Variants in SVOPL observed in about 807,000 individuals in gnomAD.
The protein encoded by SVOPL is putative transporter SVOPL.
SVOPL carries 60 observed loss-of-function variants against 61.0 expected under a neutral mutation model. The ratio of observed to expected loss-of-function variants is 0.98; its 90% CI spans 0.80 to 1.22. SVOPL has a LOEUF of 1.22. Among genes scored for constraint, SVOPL ranks in the 50% most tolerant of loss-of-function variants. The pLI is 0.00. For synonymous variants in SVOPL, 279 were observed against 250.0 expected, an observed-to-expected ratio of 1.12 and a Z score of -1.09; for missense variants, 662 against 643.9, an observed-to-expected ratio of 1.03 and a Z score of -0.30.
chr7:138,682,488 A>G (rs1802720778), intron 1 of SVOPL, among the ~76,000 whole-genome samples: 1 of 152,220 alleles, frequency 6.6e-6, no homozygotes, highest in African/African-American at 2.4e-5. Flanking sequence ...TGTGGATGCA[A>G]TAAGAAAAAT....
chr7:138,622,138 G>GTATCTATC (rs1288648165), intron 13 of SVOPL, among the ~76,000 whole-genome samples: 9 of 23,466 alleles, frequency 3.8e-4, no homozygotes, highest in Non-Finnish European at 4.7e-4. Flanking sequence ...ATCTATCTAT[G>GTATCTATC]TATCTATCTA....
At chr7:138,598,192 G>C (rs918084796) in intron 14 of SVOPL, among the ~76,000 whole-genome samples, 1 of 152,118 alleles carries the variant, frequency 6.6e-6, no homozygotes, top group Non-Finnish European at 1.5e-5. Context: ...AAAGGAAAAA[G>C]ATCTGTTGTT....
intron 14 of SVOPL, among the ~76,000 whole-genome samples, chr7:138,603,484 G>A (rs568598468): frequency 6.6e-6 from 1 of 152,270 alleles, no homozygotes; most frequent in East Asian, 1.9e-4. Flanking sequence ...AGGAGTTTGA[G>A]ACCAGCCTGG....
intron 5 of SVOPL, chr7:138,661,683 C>A: frequency 1.1e-6 from 1 of 911,698 alleles, no homozygotes; most frequent in Non-Finnish European, 1.3e-6. Context: ...CTTATTTTAA[C>A]GAACCAATGT....
chr7:138,627,518 G>T lies in SVOPL; in HGVS notation c.1070-57C>A, dbSNP rs1054864077. 55 of 1,248,902 alleles carry T rather than the reference G, an allele frequency of 4.4e-5. No homozygotes were observed. The African/African-American group carries it at 7.9e-4, about 18-fold the overall frequency. 77.4% of individuals were successfully genotyped at this position (1,248,902 alleles called of 1,614,324 possible). Reference sequence around the variant, plus strand: ...AACCTTGGAAGGCAAGTGGCATATTGCAACACTGGCATGGATTCATCCTTG... The same window carrying T: ...AACCTTGGAAGGCAAGTGGCATATTTCAACACTGGCATGGATTCATCCTTG... On this transcript the variant is annotated intron_variant, in intron 11 of 15. Transcript: ENST00000674285.
chr7:138,615,824 C>T (rs1262902798), intron 14 of SVOPL, among the ~76,000 whole-genome samples: 1 of 149,752 alleles, frequency 6.7e-6, no homozygotes, highest in African/African-American at 2.5e-5. Context: ...ACAGATGTAC[C>T]ACCCAGTTTA....
intron 3 of SVOPL, among the ~76,000 whole-genome samples, chr7:138,672,318 T>G (rs1802442852): frequency 1.3e-5 from 2 of 152,186 alleles, no homozygotes; most frequent in Admixed American, 6.5e-5. Context: ...ACTTTCATGG[T>G]TTGAACAACT....
At chr7:138,621,161 C>T in intron 13 of SVOPL, 26 bp from the exon 14 acceptor site, 1 of 1,604,148 alleles carries the variant, frequency 6.2e-7, no homozygotes, top group East Asian at 2.2e-5. Flanking sequence ...CGGAAAGTAC[C>T]AGTCAGATAA....
At chr7:138,651,094 G>A (rs1801410589) in intron 7 of SVOPL, among the ~76,000 whole-genome samples, 1 of 151,824 alleles carries the variant, frequency 6.6e-6, no homozygotes. Context: ...ATTCCCTCAG[G>A]TATGAGCCAG....
At chr7:138,633,458 A>G (rs1371968824) in intron 9 of SVOPL, among the ~76,000 whole-genome samples, 2 of 152,040 alleles carry the variant, frequency 1.3e-5, no homozygotes, top group Non-Finnish European at 2.9e-5. Flanking sequence ...TCCTTCTCTC[A>G]CCATGTAACA....
intron 14 of SVOPL, among the ~76,000 whole-genome samples, chr7:138,614,257 GTC>G (rs1454268199): frequency 3.3e-5 from 5 of 152,242 alleles, no homozygotes; most frequent in Admixed American, 2.0e-4. Flanking sequence ...TCCTAACAGA[GTC>G]TCTGTTTGTC....
chr7:138,665,892 T>C (rs1802243034), intron 4 of SVOPL, among the ~76,000 whole-genome samples: 1 of 152,176 alleles, frequency 6.6e-6, no homozygotes, highest in African/African-American at 2.4e-5. Flanking sequence ...GGAGGAGCTC[T>C]CAGGCACACA....
intron 1 of SVOPL, among the ~76,000 whole-genome samples, chr7:138,693,852 C>CA (rs1366512182): frequency 1.3e-5 from 2 of 151,936 alleles, no homozygotes; most frequent in African/African-American, 4.8e-5. Context: ...GAAAGCTAAA[C>CA]AAAAAAACAA....
At chr7:138,630,951 GA>G (rs57139655) in intron 9 of SVOPL, among the ~76,000 whole-genome samples, 23,780 of 76,240 alleles carry the variant, frequency 0.31, 2,424 homozygotes, top group African/African-American at 0.47. Context: ...CTCAAAAAAA[GA>G]AAAAAAAAAA....
intron 10 of SVOPL, among the ~76,000 whole-genome samples, chr7:138,629,488 C>T (rs905406175): frequency 1.3e-5 from 2 of 152,184 alleles, no homozygotes; most frequent in African/African-American, 4.8e-5. Flanking sequence ...CTGTCTCGGC[C>T]TCCCAAAGTG....
Position 138,621,045 on chromosome 7 carries a change from C to T in SVOPL, c.1353+1G>A. ...TCTCCCTGCAGGGTCCTTGGCTGTA[C>T]CTGGGATATAAATGGTGCCACCATT... is the stretch of plus-strand genomic sequence containing the variant. On this transcript the variant is annotated splice_donor_variant, in intron 14 of 15. Transcript: ENST00000674285. LOFTEE classifies it high-confidence loss of function. 1 of 1,613,434 alleles carries T rather than the reference C, an allele frequency of 6.2e-7. No homozygotes were observed. Among genetic ancestry groups the T allele is most frequent in the Non-Finnish European group, 8.5e-7 (1 of 1,179,670 alleles).
chr7:138,690,436 A>G (rs898040013), intron 1 of SVOPL, among the ~76,000 whole-genome samples: 2 of 152,248 alleles, frequency 1.3e-5, no homozygotes, highest in Admixed American at 6.5e-5. Flanking sequence ...GATGTGGTCT[A>G]TCCATACAAT....
In SVOPL at chr7:138,604,046, G is replaced by A. The variant is rs116869983; in HGVS notation, c.1354-7516C>T. 7.0e-3 allele frequency among the ~76,000 whole-genome samples: 993 copies of A among 142,596 alleles called. 16 individuals carry two copies. The highest frequency in any genetic ancestry group is 0.048 in the South Asian group (216 of 4,504). The allele number at this position is 142,596 out of a possible 152,430, so 93.5% of individuals were successfully genotyped here. ...TGGTGTGGTCACGACTCACTGCAGTGTCGACCTCCTGGGCTCAAGTGATCC... is the reference window on the plus strand; with the variant it reads ...TGGTGTGGTCACGACTCACTGCAGTATCGACCTCCTGGGCTCAAGTGATCC... On this transcript the variant is annotated intron_variant, in intron 14 of 15. Transcript: ENST00000674285.
intron 14 of SVOPL, among the ~76,000 whole-genome samples, chr7:138,611,614 C>T (rs1799005979): frequency 6.6e-6 from 1 of 151,956 alleles, no homozygotes; most frequent in Non-Finnish European, 1.5e-5. Context: ...CCCCATGCTT[C>T]AAGAGAACAT....
Sources: allele counts gnomAD v4.1 joint callset (sites outside exome capture counted in the v4.1 genomes callset), GRCh38; gene constraint gnomAD v4.1.1; transcripts MANE v1.5; gene names NCBI Gene and HGNC (gene_info 2026-07-23, HGNC 2026-07-21).